The following PSMG1 variants were observed in gnomAD, a reference collection of about 807,000 sequenced individuals.
The protein encoded by PSMG1 is proteasome assembly chaperone 1.
A neutral mutation model predicts 37.2 loss-of-function variants in PSMG1; 23 were observed. That is an observed-to-expected ratio of 0.62 (90% CI 0.44 to 0.88). PSMG1 has a LOEUF of 0.88. Ranked by LOEUF, PSMG1 falls within the 40% of genes least tolerant of loss-of-function variation. PSMG1 has a pLI of 0.00. For synonymous variants in PSMG1, 127 were observed against 128.0 expected, an observed-to-expected ratio of 0.99 and a Z score of 0.05; for missense variants, 340 against 344.2, an observed-to-expected ratio of 0.99 and a Z score of 0.10.
chr21:39,179,103 A>T (rs1200287796), intron 4 of PSMG1, among the ~76,000 whole-genome samples: 2 of 152,048 alleles, frequency 1.3e-5, no homozygotes, highest in African/African-American at 4.8e-5. Flanking sequence ...TGCTCTCGCC[A>T]TGTGATCTGC....
Position 39,180,382 on chromosome 21 carries a change from G to A in PSMG1, c.296C>T (p.Ala99Val), listed in dbSNP as rs1488006578. The A allele has an allele frequency of 6.2e-7, 1 of 1,608,810 alleles. No individual in the cohort carries two copies. Among genetic ancestry groups the A allele is most frequent in the South Asian group, 1.1e-5 (1 of 89,830 alleles). The change falls in exon 3 of 7, where the codon GCT becomes GTT. Residue 99 changes from alanine to valine, a missense_variant. Transcript: ENST00000331573. ...TCTACACCATTCATTCCAGAGTTTA[G>A]CACAACCAACTTCCTCCCAGACTCC... is the stretch of plus-strand genomic sequence containing the variant. ...NSGVWEEVGC[A>V]KLWNEWCRTT... is the part of the protein sequence containing the mutation.
At position 39,175,489 on chromosome 21, in the gene PSMG1, A is replaced by T; in HGVS notation, c.*101T>A. The T allele has an allele frequency of 7.2e-7, 1 of 1,395,744 alleles. No individual in the cohort carries two copies. The highest frequency in any genetic ancestry group is 9.4e-7 in the Non-Finnish European group (1 of 1,068,506). 86.5% of individuals were successfully genotyped at this position (1,395,744 alleles called of 1,614,324 possible). Reference sequence around the variant, plus strand: ...TTTTACAATTTTATTCCGTTTCATCATTCTCAAAATATATCCCCCAAAAGT... The same window carrying T: ...TTTTACAATTTTATTCCGTTTCATCTTTCTCAAAATATATCCCCCAAAAGT... On this transcript the variant is annotated 3_prime_UTR_variant, in exon 7 of 7. Coordinates refer to ENST00000331573, the MANE Select transcript of PSMG1 (RefSeq NM_003720.4).
chr21:39,182,680 T>C (rs1360910475), intron 1 of PSMG1, among the ~76,000 whole-genome samples: 3 of 152,212 alleles, frequency 2.0e-5, no homozygotes, highest in Non-Finnish European at 2.9e-5. Context: ...CTGTTGAATT[T>C]ACCCGGTTGT....
rs572720847 is a variant in PSMG1 at position 39,175,285 on chromosome 21, G to A, written c.*305C>T. On this transcript the variant is annotated 3_prime_UTR_variant, in exon 7 of 7. Transcript: ENST00000331573. ...ACACTGCACTTCAGCCTGGGCAACA[G>A]AGCAAGACCCAGCCTCAAAAAATAA... is the stretch of plus-strand genomic sequence containing the variant. 6.1e-6 allele frequency: 1 copy of A among 164,380 alleles called. No individual in the cohort carries two copies. Among genetic ancestry groups the A allele is most frequent in the South Asian group, 1.8e-4 (1 of 5,654 alleles). 10.2% of individuals were successfully genotyped at this position (164,380 alleles called of 1,614,324 possible). A position where few individuals can be genotyped will look rare whatever the true frequency, so the allele number is the denominator to read the frequency against.
intron 4 of PSMG1, 94 bp from the exon 5 acceptor site, chr21:39,178,741 T>C: frequency 8.7e-7 from 1 of 1,145,736 alleles, no homozygotes; most frequent in Admixed American, 2.2e-5. Context: ...CCACAGACAA[T>C]AATAGCATGC....
At chr21:39,181,939 G>A in intron 1 of PSMG1, 61 bp from the exon 2 acceptor site, 1 of 1,086,714 alleles carries the variant, frequency 9.2e-7, no homozygotes, top group East Asian at 2.7e-5. Context: ...CATGGCAAAA[G>A]GGCACTATAT....
chr21:39,180,881 ATGTG>A (rs537166684), intron 2 of PSMG1, among the ~76,000 whole-genome samples: 77 of 152,342 alleles, frequency 5.1e-4, no homozygotes, highest in African/African-American at 1.8e-3. Context: ...ATAAAGGTCT[ATGTG>A]TGTATTTGTA....
At position 39,175,643 on chromosome 21, in the gene PSMG1, T is replaced by C; in HGVS notation, c.814A>G (p.Ile272Val). The C allele has an allele frequency of 6.3e-7, 1 of 1,588,064 alleles. No homozygotes were observed. Among genetic ancestry groups the C allele is most frequent in the Non-Finnish European group, 8.6e-7 (1 of 1,156,486 alleles). ...LVKNIPQSTE[I>V]LKKLMTTNEI... ...TTTGTTGTCATCAATTTCTTTAGTATCTCAGTGCTTTGGGGAATATTCTGA... is the reference window on the plus strand; with the variant it reads ...TTTGTTGTCATCAATTTCTTTAGTACCTCAGTGCTTTGGGGAATATTCTGA... Residue 272 changes from isoleucine (I) to valine (V), a missense_variant, in exon 7 of 7, where the codon ATA (isoleucine) becomes GTA (valine). Physicochemically the swap from Ile to Val is conservative, Grantham distance 29. Transcript: ENST00000331573.
At chr21:39,176,819 T>C (rs1252644200) in intron 6 of PSMG1, among the ~76,000 whole-genome samples, 3 of 152,228 alleles carry the variant, frequency 2.0e-5, no homozygotes, top group African/African-American at 7.2e-5. Flanking sequence ...GACAATGTTG[T>C]TACAACCTCT....
chr21:39,181,953 T>A (rs983313997), intron 1 of PSMG1, 75 bp from the exon 2 acceptor site: 1 of 870,792 alleles, frequency 1.1e-6, no homozygotes, highest in Non-Finnish European at 1.7e-6. Context: ...ACTATATGTA[T>A]GATTTACAAT....
chr21:39,176,230 G>A (rs2030621702), intron 6 of PSMG1, among the ~76,000 whole-genome samples: 1 of 152,182 alleles, frequency 6.6e-6, no homozygotes, highest in African/African-American at 2.4e-5. Flanking sequence ...TATCTCCAAA[G>A]CAAAAATGAA....
chr21:39,175,737 G>A (rs766888691), intron 6 of PSMG1, 73 bp from the exon 7 acceptor site: 254 of 950,028 alleles, frequency 2.7e-4, no homozygotes, highest in Middle Eastern at 4.2e-4. Context: ...CTCCCTCCAC[G>A]ACCAACAATC....
intron 2 of PSMG1, among the ~76,000 whole-genome samples, chr21:39,180,886 T>C (rs2030803719): frequency 6.6e-6 from 1 of 152,052 alleles, no homozygotes. Flanking sequence ...GGTCTATGTG[T>C]GTATTTGTAA....
chr21:39,183,262 C>T lies in PSMG1; in HGVS notation c.124G>A (p.Ala42Thr). The change falls in exon 1 of 7, where the codon GCG (alanine) becomes ACG (threonine). Residue 42 changes from alanine (A) to threonine (T), a missense_variant. Physicochemically the swap from Ala to Thr is moderately conservative, Grantham distance 58. Transcript: ENST00000331573. ...PEDREVRLQLARKREVRLLRR... is the reference protein window; with the variant it reads ...PEDREVRLQLTRKREVRLLRR... ...ATCCCGGTGCCTCACCTCTTCCGCG[C>T]CAGCTGCAGACGCACCTCCCTGTCC... is the stretch of plus-strand genomic sequence containing the variant. 6.3e-7 allele frequency: 1 copy of T among 1,583,914 alleles called. No homozygotes were observed.
chr21:39,181,934 C>A, intron 1 of PSMG1, 56 bp from the exon 2 acceptor site: 2 of 1,126,050 alleles, frequency 1.8e-6, no homozygotes, highest in Non-Finnish European at 2.5e-6. Context: ...AGTATCATGG[C>A]AAAAGGGCAC....
At chr21:39,178,300 G>T in intron 5 of PSMG1, 149 bp downstream of exon 5, 1 of 693,688 alleles carries the variant, frequency 1.4e-6, no homozygotes, top group Non-Finnish European at 2.4e-6. Context: ...TAAATATACT[G>T]CACTTGTAAC....
intron 1 of PSMG1, among the ~76,000 whole-genome samples, chr21:39,182,168 AC>A (rs1422583045): frequency 1.3e-5 from 2 of 152,208 alleles, no homozygotes. Context: ...GCAATAAGAA[AC>A]AGAAAGCACC....
chr21:39,183,304 G>A lies in PSMG1; in HGVS notation c.82C>T (p.Arg28Trp), dbSNP rs2030945293. The stretch of plus-strand genomic sequence containing the variant: ...TCCCTGTCCTCGGGCGTCTCCCTCC[G>A]CCCCTCCTCCTCCTCCTCTTCGTCC... ...TEDEEEEEEGRRETPEDREVR... is the reference protein window; with the variant it reads ...TEDEEEEEEGWRETPEDREVR... Residue 28 changes from arginine (R) to tryptophan (W), a missense_variant, in exon 1 of 7, where the codon CGG (arginine) becomes TGG (tryptophan). Transcript: ENST00000331573. 2 of 1,584,232 alleles carry A rather than the reference G, an allele frequency of 1.3e-6. No homozygotes were observed. The highest frequency in any genetic ancestry group is 1.7e-6 in the Non-Finnish European group (2 of 1,167,864).
At position 39,178,581 on chromosome 21, in the gene PSMG1, A is replaced by G. The variant is rs766787420; in HGVS notation, c.523T>C (p.Tyr175His). 2 of 1,614,054 alleles carry G rather than the reference A, an allele frequency of 1.2e-6. No individual in the cohort carries two copies. The highest frequency in any genetic ancestry group is 2.7e-5 in the African/African-American group (2 of 74,932). The change falls in exon 5 of 7, where the codon TAT becomes CAT. Residue 175 changes from tyrosine (Y) to histidine (H), a missense_variant. Physicochemically the swap from Tyr to His is moderately conservative, Grantham distance 83 (BLOSUM62 2). Transcript: ENST00000331573. ...TILTCRHVTD[Y>H]KTSESTGSLP... The stretch of plus-strand genomic sequence containing the variant: ...CTGCCGGTGGATTCTGAGGTTTTAT[A>G]ATCGGTAACATGTCGACATGTGAGA...
Sources: allele counts gnomAD v4.1 joint callset (sites outside exome capture counted in the v4.1 genomes callset), GRCh38; gene constraint gnomAD v4.1.1; transcripts MANE v1.5; gene names NCBI Gene and HGNC (gene_info 2026-07-23, HGNC 2026-07-21).